The following CTNNA3 variants were observed in gnomAD, a reference collection of about 807,000 sequenced individuals.
The protein encoded by CTNNA3 is catenin alpha 3, also known as catenin alpha-3.
Under a neutral mutation model 95.7 loss-of-function variants are expected in CTNNA3, and 76 were observed. The ratio of observed to expected loss-of-function variants is 0.79; its 90% CI spans 0.66 to 0.96. The LOEUF is 0.96. Among genes scored for constraint, CTNNA3 ranks in the 40% least tolerant of loss-of-function variants. The pLI is 0.00. For missense variants in CTNNA3, 1,191 were observed against 1,089.8 expected (o/e 1.09, Z -1.31); for synonymous variants, 431 against 374.4 (o/e 1.15, Z -1.74).
chr10:67,539,791 G>T, intron 3 of CTNNA3, 122 bp from the exon 4 acceptor site: 2 of 819,214 alleles, frequency 2.4e-6, no homozygotes, highest in Non-Finnish European at 3.7e-6. Flanking sequence ...AATATTGTCA[G>T]TTGACAATTT....
rs1474920792 is a variant in CTNNA3 at position 67,647,402 on chromosome 10, ATGG to A, written c.99+10_99+12del. The A allele has an allele frequency of 6.4e-7, 1 of 1,570,376 alleles. No individual in the cohort carries two copies. Among genetic ancestry groups the A allele is most frequent in the Non-Finnish European group, 8.7e-7 (1 of 1,147,882 alleles). ...GCAGTTACTATATATCATAATTTCCATGGTATTAATACCTGGATTATGAGAGGC... is the reference window on the plus strand; with the variant it reads ...GCAGTTACTATATATCATAATTTCCATATTAATACCTGGATTATGAGAGGC... On this transcript the variant is annotated intron_variant, in intron 2 of 17. Transcript: ENST00000433211.
At chr10:66,260,332 TTTATTGCC>T (rs2090952624) in intron 13 of CTNNA3, among the ~76,000 whole-genome samples, 1 of 152,106 alleles carries the variant, frequency 6.6e-6, no homozygotes, top group Non-Finnish European at 1.5e-5. Context: ...CTAGTTGTCA[TTTATTGCC>T]TGTCAACAGA....
chr10:67,749,211 T>G (rs1841391164), intron 1 of CTNNA3, among the ~76,000 whole-genome samples: 1 of 152,120 alleles, frequency 6.6e-6, no homozygotes, highest in Admixed American at 6.6e-5. Context: ...ACAATAATAG[T>G]GGGAGACTTT....
chr10:67,690,106 T>C (rs895425423), intron 1 of CTNNA3, among the ~76,000 whole-genome samples: 2 of 152,170 alleles, frequency 1.3e-5, no homozygotes, highest in Admixed American at 1.3e-4. Context: ...TTCATATGTG[T>C]CCGGAGTTAC....
chr10:67,756,561 A>C (rs1204325966), intron 1 of CTNNA3, among the ~76,000 whole-genome samples: 1 of 152,228 alleles, frequency 6.6e-6, no homozygotes, highest in Non-Finnish European at 1.5e-5. Context: ...AAACCTTGCA[A>C]ATGTGCTAAG....
In CTNNA3 at chr10:66,838,787, G is replaced by A. The variant is rs1046418797; in HGVS notation, c.1048-63263C>T. Among the ~76,000 whole-genome samples the A allele has an allele frequency of 5.3e-5, 8 of 152,198 alleles. No individual in the cohort carries two copies. In the East Asian group the frequency reaches 7.7e-4, roughly 15 times the overall value. ...ATTGATGTAGAAGCACTAAGACTTC[G>A]CTGAATAAACACTGAGCAAAATGCA... is the stretch of plus-strand genomic sequence containing the variant. On this transcript the variant is annotated intron_variant, in intron 7 of 17. Transcript: ENST00000433211.
At chr10:66,459,007 T>A (rs2093511799) in intron 11 of CTNNA3, among the ~76,000 whole-genome samples, 1 of 152,100 alleles carries the variant, frequency 6.6e-6, no homozygotes, top group Non-Finnish European at 1.5e-5. Flanking sequence ...TCAATAAAAC[T>A]TACACTGACC....
intron 3 of CTNNA3, among the ~76,000 whole-genome samples, chr10:67,554,324 G>A (rs1841149619): frequency 6.6e-6 from 1 of 152,176 alleles, no homozygotes. Context: ...ACATCCTTGA[G>A]GAATTGCCAC....
intron 10 of CTNNA3, among the ~76,000 whole-genome samples, chr10:66,613,859 G>C (rs1361311615): frequency 6.6e-6 from 1 of 151,866 alleles, no homozygotes; most frequent in East Asian, 1.9e-4. Flanking sequence ...TTGAATATTT[G>C]GGTCCTATAT....
intron 11 of CTNNA3, among the ~76,000 whole-genome samples, chr10:66,517,568 G>C (rs1384920331): frequency 2.0e-5 from 3 of 151,994 alleles, no homozygotes; most frequent in Non-Finnish European, 2.9e-5. Flanking sequence ...ACCCTATATG[G>C]TCTAAAAGGG....
chr10:67,761,256 T>A (rs1326708214), intron 1 of CTNNA3, among the ~76,000 whole-genome samples: 3 of 152,226 alleles, frequency 2.0e-5, no homozygotes, highest in Non-Finnish European at 2.9e-5. Context: ...CACATGACTG[T>A]AATTAGCTAT....
At chr10:67,260,119 C>T (rs765523362) in intron 5 of CTNNA3, among the ~76,000 whole-genome samples, 5 of 152,116 alleles carry the variant, frequency 3.3e-5, no homozygotes, top group African/African-American at 1.2e-4. Flanking sequence ...AACAAATGAA[C>T]CCAATAACGG....
chr10:66,288,704 A>T (rs753583038), intron 12 of CTNNA3, among the ~76,000 whole-genome samples: 1 of 152,074 alleles, frequency 6.6e-6, no homozygotes, highest in Non-Finnish European at 1.5e-5. Flanking sequence ...ACTATTTCAA[A>T]TATTTGCAAA....
chr10:67,372,365 A>G (rs1282822878), intron 5 of CTNNA3, among the ~76,000 whole-genome samples: 1 of 152,122 alleles, frequency 6.6e-6, no homozygotes, highest in Non-Finnish European at 1.5e-5. Context: ...TTTTAGGTCT[A>G]ACATTTAAGT....
At chr10:67,703,654 C>A (rs1328325668) in intron 1 of CTNNA3, among the ~76,000 whole-genome samples, 1 of 152,162 alleles carries the variant, frequency 6.6e-6, no homozygotes, top group Admixed American at 6.5e-5. Flanking sequence ...CTATGACAGA[C>A]CCACAGCCAA....
chr10:67,025,153 AAAGG>A (rs1221696371), intron 7 of CTNNA3, among the ~76,000 whole-genome samples: 256 of 149,338 alleles, frequency 1.7e-3, no homozygotes, highest in Middle Eastern at 6.9e-3. Flanking sequence ...AAAAAGAAAG[AAAGG>A]AAGGAAGGAA....
At chr10:66,134,231 C>A (rs2083251840) in intron 13 of CTNNA3, among the ~76,000 whole-genome samples, 1 of 152,090 alleles carries the variant, frequency 6.6e-6, no homozygotes, top group African/African-American at 2.4e-5. Flanking sequence ...ACAAATATGT[C>A]ATTTCCACCC....
chr10:67,651,787 G>A (rs796410609), intron 1 of CTNNA3, among the ~76,000 whole-genome samples: 8 of 152,078 alleles, frequency 5.3e-5, no homozygotes, highest in African/African-American at 1.7e-4. Flanking sequence ...TTTATAGTTT[G>A]GCATGACTTG....
intron 5 of CTNNA3, among the ~76,000 whole-genome samples, chr10:67,483,777 A>T (rs112153446): frequency 0.02 from 2,397 of 120,570 alleles, 70 homozygotes; most frequent in African/African-American, 0.071. Flanking sequence ...AATAAAAATT[A>T]AAAAAAAAAA....
Sources: gnomAD v4.1 joint callset for allele counts (sites outside exome capture counted in the v4.1 genomes callset) on GRCh38, gnomAD v4.1.1 for gene constraint, MANE v1.5 for transcripts, NCBI Gene and HGNC (gene_info 2026-07-23, HGNC 2026-07-21) for gene names.